The following ASH1L variants were observed in gnomAD, a reference collection of about 807,000 sequenced individuals.
The protein encoded by ASH1L is histone-lysine N-methyltransferase ASH1L.
ASH1L carries 23 observed loss-of-function variants against 269.0 expected under a neutral mutation model. That is an observed-to-expected ratio of 0.09 (90% CI 0.06 to 0.12). ASH1L has a LOEUF of 0.12. Ranked by LOEUF, ASH1L falls within the 10% of genes least tolerant of loss-of-function variation. The probability of loss-of-function intolerance (pLI) is 1.00; values close to 1 mark genes in which losing one functional copy is unlikely to be tolerated. For synonymous variants in ASH1L, 1,187 were observed against 1,253.5 expected, an observed-to-expected ratio of 0.95 and a Z score of 1.12; for missense variants, 2,912 against 3,567.8, an observed-to-expected ratio of 0.82 and a Z score of 4.68.
At chr1:155,465,304 A>C (rs1055556777) in intron 3 of ASH1L, among the ~76,000 whole-genome samples, 12 of 150,760 alleles carry the variant, frequency 8.0e-5, no homozygotes, top group Non-Finnish European at 3.0e-5. Flanking sequence ...AAAAAAAAAA[A>C]AAAAAAAACA....
chr1:155,408,558 C>T (rs940886886), intron 6 of ASH1L, among the ~76,000 whole-genome samples: 7 of 151,926 alleles, frequency 4.6e-5, no homozygotes, highest in African/African-American at 1.7e-4. Context: ...TAAACCAAAA[C>T]AAAAAACTAA....
intron 5 of ASH1L, among the ~76,000 whole-genome samples, chr1:155,434,476 C>CA (rs1446141655): frequency 7.2e-6 from 1 of 138,576 alleles, no homozygotes; most frequent in Non-Finnish European, 1.5e-5. Context: ...CATCATGTAT[C>CA]ACTTTTTTCT....
chr1:155,391,235 C>A (rs1232839260), intron 7 of ASH1L, among the ~76,000 whole-genome samples: 1 of 152,166 alleles, frequency 6.6e-6, no homozygotes, highest in East Asian at 1.9e-4. Flanking sequence ...TGTGAACCAT[C>A]ACACCTGGCT....
chr1:155,559,005 G>C (rs1671785972), intron 1 of ASH1L, among the ~76,000 whole-genome samples: 3 of 150,140 alleles, frequency 2.0e-5, no homozygotes, highest in South Asian at 4.2e-4. Flanking sequence ...CACCATGCCT[G>C]GCTAATTTTT....
intron 1 of ASH1L, among the ~76,000 whole-genome samples, chr1:155,546,884 A>G (rs28491466): frequency 0.049 from 7,335 of 151,200 alleles, 612 homozygotes; most frequent in African/African-American, 0.17. Context: ...AACCCCTTAC[A>G]TTCACATTTT....
At chr1:155,337,827 G>GCA in intron 27 of ASH1L, 76 bp from the exon 28 acceptor site, 1 of 1,362,692 alleles carries the variant, frequency 7.3e-7, no homozygotes, top group Non-Finnish European at 1.0e-6. Context: ...TCTAAGGAGA[G>GCA]CACACGAACT....
rs1661889946 is a variant in ASH1L at position 155,434,240 on chromosome 1, GC to G, written c.5828+4086del. 6.2e-6 allele frequency: 10 copies of G among 1,601,380 alleles called. No homozygotes were observed. In the South Asian group the frequency reaches 1.1e-4, roughly 18 times the overall value. ...TCCCCCGTCTCCGTCACCACCCTGG[GC>G]TCTCCCATGCATTCAAACTGAGGTG... On this transcript the variant is annotated intron_variant, in intron 5 of 27. Transcript: ENST00000392403.
At chr1:155,436,285 G>A (rs552176717) in intron 5 of ASH1L, among the ~76,000 whole-genome samples, 1 of 151,830 alleles carries the variant, frequency 6.6e-6, no homozygotes, top group Non-Finnish European at 1.5e-5. Context: ...TCCACCTCCC[G>A]TGTTCAAGGG....
chr1:155,478,216 T>C lies in ASH1L; in HGVS notation c.4654A>G (p.Arg1552Gly), dbSNP rs780945877. ...HLSPSKSLIN[R>G]EEQWVHREPS... ...TCTCGGTGGACCCACTGTTCCTCTC[T>C]GTTTATTAAGCTTTTTGAAGGAGAG... The change falls in exon 3 of 28, where the codon AGA becomes GGA. Residue 1552 changes from arginine to glycine, a missense_variant. By Grantham distance (125) the Arg-to-Gly change is moderately radical. This residue lies in a region of ASH1L where 789 missense variants were observed against 897.6 expected (regional missense o/e 0.88). Coordinates refer to ENST00000392403, the MANE Select transcript of ASH1L (RefSeq NM_018489.3). The surrounding 1 kb of genome is among the most constrained non-coding windows in gnomAD (Gnocchi z 4.6). 1 of 1,610,870 alleles carries C rather than the reference T, an allele frequency of 6.2e-7. No individual in the cohort carries two copies. The highest frequency in any genetic ancestry group is 8.5e-7 in the Non-Finnish European group (1 of 1,178,816).
rs562924788 is a variant in ASH1L, at chr1:155,361,386, G to A, written c.6687-977C>T. Among the ~76,000 whole-genome samples, 5 of 151,862 alleles carry A rather than the reference G, an allele frequency of 3.3e-5. No homozygotes were observed. The South Asian group carries it at 1.0e-3, about 32-fold the overall frequency. ...ACAAAAATTAGCCGGGCATGGTGGT[G>A]TGCACCTGTAATCCCAGCTACTTAG... On this transcript the variant is annotated intron_variant, in intron 12 of 27. Transcript: ENST00000392403.
intron 5 of ASH1L, chr1:155,434,221 G>A (rs757937520): frequency 2.8e-5 from 45 of 1,599,382 alleles, no homozygotes; most frequent in Middle Eastern, 1.7e-4. Context: ...CCTTTCCCCC[G>A]TCTCCGTCAC....
At chr1:155,527,482 T>G (rs1404378738) in intron 1 of ASH1L, among the ~76,000 whole-genome samples, 8 of 151,802 alleles carry the variant, frequency 5.3e-5, no homozygotes, top group African/African-American at 1.9e-4. Flanking sequence ...CAACAGAATT[T>G]GGCACAGCTA....
intron 5 of ASH1L, among the ~76,000 whole-genome samples, chr1:155,437,195 G>A (rs1263562833): frequency 6.6e-6 from 1 of 152,160 alleles, no homozygotes; most frequent in East Asian, 1.9e-4. Context: ...GAAAAGATTT[G>A]CTTATATGCC....
chr1:155,350,679 T>A (rs569041261), intron 17 of ASH1L, among the ~76,000 whole-genome samples: 1 of 152,236 alleles, frequency 6.6e-6, no homozygotes, highest in South Asian at 2.1e-4. Flanking sequence ...TCCCAGCACT[T>A]TGAGAGGTCA....
At position 155,336,287 on chromosome 1, in the gene ASH1L, G is replaced by T. The variant is rs1652304494; in HGVS notation, c.*1373C>A. The T allele has an allele frequency of 6.6e-6, 1 of 152,114 alleles. No individual in the cohort carries two copies. The highest frequency in any genetic ancestry group is 1.5e-5 in the Non-Finnish European group (1 of 67,924). The allele number at this position is 152,114 out of a possible 1,614,324, so 9.4% of individuals were successfully genotyped here. ...AGCATTGGTCCAATATTAGAAAAAA[G>T]TAATGGGGACATGTTTACTATTGTA... On this transcript the variant is annotated 3_prime_UTR_variant, in exon 28 of 28. Transcript: ENST00000392403.
intron 1 of ASH1L, among the ~76,000 whole-genome samples, chr1:155,556,776 T>A (rs190585077): frequency 6.6e-6 from 1 of 152,138 alleles, no homozygotes; most frequent in African/African-American, 2.4e-5. Context: ...TGCCCAGGTG[T>A]GGTAGCTCAT....
chr1:155,388,107 G>T (rs1657593085), intron 7 of ASH1L, among the ~76,000 whole-genome samples: 1 of 152,128 alleles, frequency 6.6e-6, no homozygotes, highest in African/African-American at 2.4e-5. Flanking sequence ...TAGACAAAAC[G>T]GAATCATTCA....
chr1:155,487,590 T>C (rs924459422), intron 2 of ASH1L, among the ~76,000 whole-genome samples: 1 of 152,118 alleles, frequency 6.6e-6, no homozygotes, highest in African/African-American at 2.4e-5. Context: ...TCTTGCTTTG[T>C]TGCCCAGGCT....
intron 27 of ASH1L, 90 bp from the exon 28 acceptor site, chr1:155,337,841 T>C: frequency 7.6e-7 from 1 of 1,307,908 alleles, no homozygotes. Context: ...ACGAACTCAA[T>C]GATTCCTTTT....
Sources: gnomAD v4.1 joint callset for allele counts (sites outside exome capture counted in the v4.1 genomes callset) on GRCh38, gnomAD v4.1.1 for gene constraint, gnomAD v4.1.1 regional missense constraint, Gnocchi (gnomAD v3.1) non-coding constraint, MANE v1.5 for transcripts, NCBI Gene and HGNC (gene_info 2026-07-23, HGNC 2026-07-21) for gene names.